Variants in ABCA12 observed in about 807,000 individuals in gnomAD.
ABCA12 encodes the protein glucosylceramide transporter ABCA12.
ABCA12 carries 156 observed loss-of-function variants against 293.5 expected under a neutral mutation model. The ratio of observed to expected loss-of-function variants is 0.53; its 90% CI spans 0.47 to 0.61. The LOEUF is 0.61. Among genes scored for constraint, ABCA12 ranks in the 20% least tolerant of loss-of-function variants. The pLI, the probability that ABCA12 is intolerant of heterozygous loss-of-function variation, is 0.00. For missense variants in ABCA12, 2,797 were observed against 3,090.2 expected, an observed-to-expected ratio of 0.91 and a Z score of 2.25; for synonymous variants, 1,063 against 1,108.0, an observed-to-expected ratio of 0.96 and a Z score of 0.81.
In ABCA12 at chr2:215,064,172, G is replaced by T; in HGVS notation, c.211C>A (p.Leu71Met). 1 of 1,612,766 alleles carries T rather than the reference G, an allele frequency of 6.2e-7. No homozygotes were observed. The highest frequency in any genetic ancestry group is 1.1e-5 in the South Asian group (1 of 91,072). Residue 71 changes from leucine (L) to methionine (M), a missense_variant, in exon 3 of 53, where the codon CTG becomes ATG. Coordinates refer to ENST00000272895, the MANE Select transcript of ABCA12 (RefSeq NM_173076.3). Reference protein sequence around the residue: ...NLPSTGFFPFLQTLLCDTDSK... With the variant: ...NLPSTGFFPFMQTLLCDTDSK... ...TCTGTGTCACAGAGTAGGGTCTGCA[G>T]GAATGGAAAGAATCCAGTACTAGGA...
At chr2:215,093,813 A>G (rs534290635) in intron 2 of ABCA12, among the ~76,000 whole-genome samples, 4 of 152,244 alleles carry the variant, frequency 2.6e-5, no homozygotes, top group Admixed American at 2.6e-4. Context: ...CCAGACTTCA[A>G]TCCGGCCTCC....
chr2:215,084,657 T>C (rs1702004401), intron 2 of ABCA12, among the ~76,000 whole-genome samples: 1 of 152,132 alleles, frequency 6.6e-6, no homozygotes, highest in South Asian at 2.1e-4. Flanking sequence ...TGCATAAAAT[T>C]TGATGTGTTC....
In ABCA12 at chr2:215,025,931, C is replaced by A. The variant is rs1700735685; in HGVS notation, c.1181-152G>T. On this transcript the variant is annotated intron_variant, in intron 10 of 52. Coordinates refer to ENST00000272895, the MANE Select transcript of ABCA12 (RefSeq NM_173076.3). ...AACATAAGATGAATGAAAATTTAACCTTTATTTGAACCATGGGGACAACAG... is the reference window on the plus strand; with the variant it reads ...AACATAAGATGAATGAAAATTTAACATTTATTTGAACCATGGGGACAACAG... 3 of 613,706 alleles carry A rather than the reference C, an allele frequency of 4.9e-6. No homozygotes were observed. In the East Asian group the frequency reaches 8.5e-5, roughly 17 times the overall value. The allele number at this position is 613,706 out of a possible 1,614,324, so 38.0% of individuals were successfully genotyped here. A position where few individuals can be genotyped will look rare whatever the true frequency, so the allele number is the denominator to read the frequency against.
chr2:214,996,831 A>G (rs1700044736), intron 23 of ABCA12, among the ~76,000 whole-genome samples: 1 of 152,214 alleles, frequency 6.6e-6, no homozygotes, highest in Non-Finnish European at 1.5e-5. Flanking sequence ...GAAAAGGACA[A>G]GTGGATGGAC....
At chr2:215,090,522 A>G (rs1327634505) in intron 2 of ABCA12, among the ~76,000 whole-genome samples, 1 of 151,902 alleles carries the variant, frequency 6.6e-6, no homozygotes, top group Admixed American at 6.6e-5. Flanking sequence ...CTTCCTTAAT[A>G]TTGGTTCCTT....
At position 214,932,554 on chromosome 2, in the gene ABCA12, C is replaced by A; in HGVS notation, c.*80G>T. ...TTACTTTACTTTAAAATGAAGATATCTTGCGGAAGTGTATCTTCTGTGGCT... is the reference window on the plus strand; with the variant it reads ...TTACTTTACTTTAAAATGAAGATATATTGCGGAAGTGTATCTTCTGTGGCT... On this transcript the variant is annotated 3_prime_UTR_variant, in exon 53 of 53. Transcript: ENST00000272895. 1 of 1,002,368 alleles carries A rather than the reference C, an allele frequency of 1.0e-6. No individual in the cohort carries two copies. Among genetic ancestry groups the A allele is most frequent in the Non-Finnish European group, 1.6e-6 (1 of 636,610 alleles). 62.1% of individuals were successfully genotyped at this position (1,002,368 alleles called of 1,614,324 possible). A position where few individuals can be genotyped will look rare whatever the true frequency, so the allele number is the denominator to read the frequency against.
intron 1 of ABCA12, 68 bp from the exon 2 acceptor site, chr2:215,111,758 C>G: frequency 2.7e-6 from 3 of 1,110,586 alleles, no homozygotes; most frequent in Non-Finnish European, 2.7e-6. Flanking sequence ...AACCTGACTA[C>G]AAAAAGTATG....
intron 1 of ABCA12, among the ~76,000 whole-genome samples, chr2:215,121,215 A>C (rs1702798461): frequency 6.6e-6 from 1 of 152,332 alleles, no homozygotes; most frequent in East Asian, 1.9e-4. Flanking sequence ...TGGCTACACT[A>C]GCAGAGTTAA....
chr2:214,953,658 T>C (rs2105931012), intron 44 of ABCA12, among the ~76,000 whole-genome samples, 196 bp downstream of exon 44: 1 of 152,354 alleles, frequency 6.6e-6, no homozygotes, highest in East Asian at 1.9e-4. Flanking sequence ...CAGCAATAGT[T>C]GCAGTCACAT....
At chr2:214,979,183 C>A in intron 31 of ABCA12, 143 bp from the exon 32 acceptor site, 1 of 754,150 alleles carries the variant, frequency 1.3e-6, no homozygotes, top group East Asian at 2.6e-5. Context: ...CTAGAGACCC[C>A]TTTGCCACTT....
In ABCA12 at chr2:214,941,098, T is replaced by C. The variant is rs1698386208; in HGVS notation, c.7436+1827A>G. Among the ~76,000 whole-genome samples the C allele has an allele frequency of 2.6e-5, 4 of 152,288 alleles. No homozygotes were observed. In the South Asian group the frequency reaches 8.3e-4, roughly 32 times the overall value. On this transcript the variant is annotated intron_variant, in intron 50 of 52. Coordinates refer to ENST00000272895, the MANE Select transcript of ABCA12 (RefSeq NM_173076.3). The stretch of plus-strand genomic sequence containing the variant: ...CTTTCCCATTTTCTCCTGTGGACAT[T>C]TTAGTGCTCTAAATTTCCCTCTAAA...
chr2:214,981,109 GGA>G (rs1699640996), intron 30 of ABCA12, among the ~76,000 whole-genome samples: 1 of 150,544 alleles, frequency 6.6e-6, no homozygotes, highest in African/African-American at 2.4e-5. Context: ...AAAAAAGAAA[GGA>G]AAAAAAGAAG....
chr2:215,064,885 A>G (rs1701611691), intron 2 of ABCA12, among the ~76,000 whole-genome samples: 1 of 152,040 alleles, frequency 6.6e-6, no homozygotes, highest in Non-Finnish European at 1.5e-5. Context: ...TAATCAAAGT[A>G]GGTATAAATG....
chr2:215,111,376 C>A (rs1026052343), intron 2 of ABCA12, among the ~76,000 whole-genome samples: 7 of 152,166 alleles, frequency 4.6e-5, no homozygotes, highest in African/African-American at 1.7e-4. Flanking sequence ...TATTTTCTGG[C>A]TTCTACAAGC....
At chr2:214,954,892 T>G (rs1243009675) in intron 43 of ABCA12, among the ~76,000 whole-genome samples, 4 of 152,210 alleles carry the variant, frequency 2.6e-5, no homozygotes, top group African/African-American at 9.6e-5. Context: ...CCATAAGAAC[T>G]TGTTAATGAG....
Position 215,138,331 on chromosome 2 carries a change from T to C in ABCA12, c.-123A>G. ...GTACCCCTTTCACGGCATAGCTTCC[T>C]TGAGGGCTGGGGTAAGAAACCCACA... is the stretch of plus-strand genomic sequence containing the variant. On this transcript the variant is annotated 5_prime_UTR_variant, in exon 1 of 53. Coordinates refer to ENST00000272895, the MANE Select transcript of ABCA12 (RefSeq NM_173076.3). 9.6e-7 allele frequency: 1 copy of C among 1,043,176 alleles called. No homozygotes were observed. Among genetic ancestry groups the C allele is most frequent in the Non-Finnish European group, 1.5e-6 (1 of 665,608 alleles). 64.6% of individuals were successfully genotyped at this position (1,043,176 alleles called of 1,614,324 possible). A position where few individuals can be genotyped will look rare whatever the true frequency, so the allele number is the denominator to read the frequency against.
At chr2:215,133,117 G>C (rs1361368938) in intron 1 of ABCA12, among the ~76,000 whole-genome samples, 1 of 133,150 alleles carries the variant, frequency 7.5e-6, no homozygotes, top group African/African-American at 2.7e-5. Flanking sequence ...GTCCTTTGTA[G>C]GTGCTTTGAC....
At chr2:214,978,046 A>G (rs1699560411) in intron 33 of ABCA12, among the ~76,000 whole-genome samples, 1 of 152,180 alleles carries the variant, frequency 6.6e-6, no homozygotes, top group Admixed American at 6.5e-5. Context: ...TTACTTCTTG[A>G]AAACAATTTC....
intron 7 of ABCA12, among the ~76,000 whole-genome samples, chr2:215,043,572 T>TTTGTTGTTG (rs138336317): frequency 5.6e-4 from 85 of 151,668 alleles, no homozygotes; most frequent in African/African-American, 2.0e-3. Flanking sequence ...TTGTGGAATT[T>TTTGTTGTTG]TTGTTGTTGT....
Sources: allele counts gnomAD v4.1 joint callset (sites outside exome capture counted in the v4.1 genomes callset), GRCh38; gene constraint gnomAD v4.1.1; transcripts MANE v1.5; gene names NCBI Gene and HGNC (gene_info 2026-07-23, HGNC 2026-07-21).